PCNX2: variants seen among roughly 807,000 people sequenced by gnomAD.
The protein encoded by PCNX2 is pecanex 2, also known as pecanex-like protein 2.
In PCNX2, 168 loss-of-function variants were observed where a neutral mutation model predicts 223.8. That is an observed-to-expected ratio of 0.75 (90% CI 0.66 to 0.85). The LOEUF is 0.85. Among genes scored for constraint, PCNX2 ranks in the 40% least tolerant of loss-of-function variants. The probability of loss-of-function intolerance (pLI) is 0.00; values close to 1 mark genes in which losing one functional copy is unlikely to be tolerated. For synonymous variants in PCNX2, 1,006 were observed against 1,052.6 expected (o/e 0.96, Z 0.86); for missense variants, 2,507 against 2,675.5 (o/e 0.94, Z 1.39).
chr1:233,313,319 G>GA, the PCNX2 span, among the ~76,000 whole-genome samples: 1,318 of 152,134 alleles, frequency 8.7e-3, 24 homozygotes, highest in African/African-American at 0.03. Context: ...GAAAATTCTA[G>GA]AAAAAAATAT....
At chr1:233,107,407 C>A (rs1558237581) in intron 21 of PCNX2, among the ~76,000 whole-genome samples, 1 of 152,002 alleles carries the variant, frequency 6.6e-6, no homozygotes, top group African/African-American at 2.4e-5. Context: ...AACAAACAAA[C>A]AAACAAACAA....
intron 8 of PCNX2, among the ~76,000 whole-genome samples, chr1:233,248,488 C>T (rs1378787048): frequency 2.0e-5 from 3 of 151,916 alleles, no homozygotes; most frequent in Non-Finnish European, 4.4e-5. Context: ...TAACGACAGC[C>T]GTCTTTTGAC....
In PCNX2 at chr1:233,095,825, T is replaced by C. The variant is rs2295744; in HGVS notation, c.3876A>G (p.Thr1292=). 0.023 allele frequency: 36,720 copies of C among 1,612,380 alleles called. 521 individuals are homozygous for C. The highest frequency in any genetic ancestry group is 0.058 in the East Asian group (2,617 of 44,824). The change falls in exon 22 of 34, where the codon ACA becomes ACG. Residue 1292 remains threonine, a synonymous_variant. Transcript: ENST00000258229. Reference sequence around the variant, plus strand: ...AAGCCATCTGCCAAGGAGCCACATATGTCAGGACGAACTGTAACTTGTGAA... The same window carrying C: ...AAGCCATCTGCCAAGGAGCCACATACGTCAGGACGAACTGTAACTTGTGAA... The part of the protein sequence containing the change: ...DLLHKLQFVL[T]YVAPWQMAWG...
At chr1:233,037,726 T>C (rs1671505618) in intron 25 of PCNX2, among the ~76,000 whole-genome samples, 1 of 152,168 alleles carries the variant, frequency 6.6e-6, no homozygotes, top group South Asian at 2.1e-4. Context: ...TTATAACTTG[T>C]TTGATTTTGT....
At chr1:233,176,225 G>T (rs761523249) in intron 17 of PCNX2, among the ~76,000 whole-genome samples, 2 of 152,244 alleles carry the variant, frequency 1.3e-5, no homozygotes, top group Non-Finnish European at 2.9e-5. Flanking sequence ...ATGTTTGTAA[G>T]TTGATACCAA....
chr1:233,099,547 T>A (rs1033544369), intron 21 of PCNX2, among the ~76,000 whole-genome samples: 1 of 152,212 alleles, frequency 6.6e-6, no homozygotes, highest in Non-Finnish European at 1.5e-5. Flanking sequence ...TCCAAAAAGA[T>A]TGATTTGGCT....
At chr1:233,277,889 C>A (rs1191280266) in intron 1 of PCNX2, among the ~76,000 whole-genome samples, 1 of 152,054 alleles carries the variant, frequency 6.6e-6, no homozygotes, top group African/African-American at 2.4e-5. Flanking sequence ...GAAATGGAAC[C>A]AAGCAAAGAA....
intron 25 of PCNX2, chr1:233,031,881 T>C (rs1454889087): frequency 2.0e-6 from 2 of 984,354 alleles, no homozygotes; most frequent in Non-Finnish European, 2.4e-6. Flanking sequence ...TAGAAATGCA[T>C]ACTGGACTAT....
rs1345198163 is a variant in PCNX2, at chr1:233,139,733, G to C, written c.3640C>G (p.His1214Asp). ...LTIDAFLISN[H>D]RRLGTHWDIF... Reference sequence around the variant, plus strand: ...ACTTACTGGGTACCAAGTCTCCGGTGATTGCTTATTAAAAATGCATCAATA... The same window carrying C: ...ACTTACTGGGTACCAAGTCTCCGGTCATTGCTTATTAAAAATGCATCAATA... Residue 1214 changes from histidine to aspartate, a missense_variant, in exon 20 of 34, where the codon CAC becomes GAC. Coordinates refer to ENST00000258229, the MANE Select transcript of PCNX2 (RefSeq NM_014801.4). This position sits in a 1 kb window ranked among gnomAD's most constrained non-coding sequence, Gnocchi z 4.4. 3 of 1,605,610 alleles carry C rather than the reference G, an allele frequency of 1.9e-6. No individual in the cohort carries two copies. In the African/African-American group the frequency reaches 4.0e-5, roughly 21 times the overall value.
chr1:233,170,658 A>T (rs1679096973), intron 17 of PCNX2, among the ~76,000 whole-genome samples: 2 of 152,224 alleles, frequency 1.3e-5, no homozygotes, highest in Admixed American at 6.5e-5. Context: ...AGTAGTTTCC[A>T]TTATTATGAC....
chr1:233,109,886 G>A (rs919670134), intron 21 of PCNX2, among the ~76,000 whole-genome samples: 6 of 152,162 alleles, frequency 3.9e-5, no homozygotes, highest in African/African-American at 9.7e-5. Context: ...AGGCCCAGGC[G>A]GGCAAATCAC....
chr1:233,061,781 C>A (rs974604531), intron 23 of PCNX2, among the ~76,000 whole-genome samples: 4 of 151,820 alleles, frequency 2.6e-5, no homozygotes, highest in African/African-American at 9.7e-5. Context: ...TTTTTTGAGA[C>A]AGAGTCTTAC....
At chr1:233,273,474 C>G (rs917636724) in intron 1 of PCNX2, among the ~76,000 whole-genome samples, 1 of 152,092 alleles carries the variant, frequency 6.6e-6, no homozygotes, top group African/African-American at 2.4e-5. Flanking sequence ...AGTAAGAAGT[C>G]AGATGTTGGT....
chr1:233,054,244 T>C lies in PCNX2; in HGVS notation c.4351+24A>G, dbSNP rs1490389265. On this transcript the variant is annotated intron_variant, in intron 25 of 33. Coordinates refer to ENST00000258229, the MANE Select transcript of PCNX2 (RefSeq NM_014801.4). ...AACTCAAGCAACCAACTTTCAACAG[T>C]TTCTACAATGAAGAAATTCTTACCT... 1.9e-6 allele frequency: 3 copies of C among 1,602,438 alleles called. No individual in the cohort carries two copies. In the Admixed American group the frequency reaches 5.1e-5, roughly 27 times the overall value.
chr1:233,078,500 C>T (rs1434804025), intron 23 of PCNX2, among the ~76,000 whole-genome samples: 1 of 152,204 alleles, frequency 6.6e-6, no homozygotes, highest in East Asian at 1.9e-4. Context: ...AAAAGCTGGA[C>T]AAACTAAGGA....
chr1:233,173,754 CTTTA>C (rs1404911051), intron 17 of PCNX2, among the ~76,000 whole-genome samples: 2 of 152,058 alleles, frequency 1.3e-5, no homozygotes, highest in African/African-American at 4.8e-5. Flanking sequence ...AGTTAGTTTA[CTTTA>C]TTTGTGACAC....
intron 8 of PCNX2, among the ~76,000 whole-genome samples, chr1:233,242,491 C>T (rs1017337179): frequency 5.9e-5 from 9 of 152,276 alleles, no homozygotes; most frequent in African/African-American, 2.2e-4. Flanking sequence ...AGATGATATG[C>T]ATTTTGCATG....
chr1:233,058,955 G>A (rs754834833), intron 23 of PCNX2, among the ~76,000 whole-genome samples: 1 of 152,090 alleles, frequency 6.6e-6, no homozygotes, highest in Admixed American at 6.6e-5. Flanking sequence ...GAGTCACAGC[G>A]CCTGGCCAGC....
rs1239662246 is a variant in PCNX2 at position 233,014,079 on chromosome 1, C to T, written c.4952+586G>A. On this transcript the variant is annotated intron_variant, in intron 28 of 33. Transcript: ENST00000258229. ...TGTTTCTTTGGTGGACAACATCACCCGAGTGACACAGGGTGCCAAAGAGCC... is the reference window on the plus strand; with the variant it reads ...TGTTTCTTTGGTGGACAACATCACCTGAGTGACACAGGGTGCCAAAGAGCC... 2.0e-5 allele frequency among the ~76,000 whole-genome samples: 3 copies of T among 152,128 alleles called. No individual in the cohort carries two copies. In the South Asian group the frequency reaches 6.2e-4, roughly 32 times the overall value.
Sources: allele counts gnomAD v4.1 joint callset (sites outside exome capture counted in the v4.1 genomes callset), GRCh38; gene constraint gnomAD v4.1.1; non-coding constraint Gnocchi (gnomAD v3.1); transcripts MANE v1.5; gene names NCBI Gene and HGNC (gene_info 2026-07-23, HGNC 2026-07-21).